CTSC: variants seen among roughly 807,000 people sequenced by gnomAD.
CTSC encodes cathepsin C.
CTSC carries 37 observed loss-of-function variants against 40.9 expected under a neutral mutation model. The ratio of observed to expected loss-of-function variants is 0.91; its 90% CI spans 0.70 to 1.19. The LOEUF is 1.19. CTSC is among the 50% of genes most tolerant of loss of function. The pLI, the probability that CTSC is intolerant of heterozygous loss-of-function variation, is 0.00. For synonymous variants in CTSC, 232 were observed against 207.4 expected, an observed-to-expected ratio of 1.12 and a Z score of -1.02; for missense variants, 594 against 567.3, an observed-to-expected ratio of 1.05 and a Z score of -0.48.
intron 2 of CTSC, among the ~76,000 whole-genome samples, chr11:88,333,978 G>A (rs555154069): frequency 6.6e-6 from 1 of 152,020 alleles, no homozygotes; most frequent in Non-Finnish European, 1.5e-5. Context: ...TGCTTGGACC[G>A]CCATAACCTT....
chr11:88,332,535 C>G (rs1179149803), intron 2 of CTSC, among the ~76,000 whole-genome samples: 1 of 152,194 alleles, frequency 6.6e-6, no homozygotes, highest in Non-Finnish European at 1.5e-5. Flanking sequence ...TTTCCCATCA[C>G]TCTTGCAATT....
intron 2 of CTSC, chr11:88,328,227 CATT>C (rs773178221): frequency 6.8e-7 from 1 of 1,474,902 alleles, no homozygotes; most frequent in Admixed American, 1.7e-5. Flanking sequence ...TAAACTGAGT[CATT>C]ATGTTGAGAT....
intron 4 of CTSC, among the ~76,000 whole-genome samples, chr11:88,307,501 G>A (rs890812340): frequency 4.0e-5 from 6 of 150,082 alleles, no homozygotes; most frequent in Non-Finnish European, 7.4e-5. Flanking sequence ...TGGGGCTTAT[G>A]GGTAAAGATG....
chr11:88,309,457 G>A, intron 3 of CTSC, 139 bp from the exon 4 acceptor site: 2 of 737,854 alleles, frequency 2.7e-6, no homozygotes, highest in Non-Finnish European at 4.8e-6. Context: ...TGTATCAATA[G>A]CCTAGAACAG....
intron 2 of CTSC, chr11:88,325,136 G>C: frequency 1.0e-6 from 1 of 985,112 alleles, no homozygotes; most frequent in East Asian, 1.1e-4. Flanking sequence ...ACCATTATTC[G>C]GCAGGAAAGA....
At chr11:88,309,089 G>C (rs761555771) in intron 4 of CTSC, 74 bp downstream of exon 4, 2 of 1,360,628 alleles carry the variant, frequency 1.5e-6, no homozygotes, top group Admixed American at 3.6e-5. Context: ...AGCAACACTG[G>C]TAGGACTGCT....
At chr11:88,335,690 G>A (rs986330392) in intron 1 of CTSC, among the ~76,000 whole-genome samples, 1 of 152,180 alleles carries the variant, frequency 6.6e-6, no homozygotes, top group Non-Finnish European at 1.5e-5. Flanking sequence ...AACAAAAGGA[G>A]AAATGGGGAA....
At chr11:88,306,345 C>G (rs1198739341) in intron 4 of CTSC, among the ~76,000 whole-genome samples, 1 of 152,080 alleles carries the variant, frequency 6.6e-6, no homozygotes, top group Non-Finnish European at 1.5e-5. Context: ...AGCAAAGGCC[C>G]CACCCTCAAG....
chr11:88,337,416 G>C (rs1382686407), intron 1 of CTSC, 85 bp downstream of exon 1: 38 of 1,369,166 alleles, frequency 2.8e-5, no homozygotes, highest in Non-Finnish European at 3.6e-5. Flanking sequence ...GTCTGCCTGG[G>C]GGGAAGCGGT....
At chr11:88,298,464 C>T (rs1944322064) in intron 5 of CTSC, 1 of 152,198 alleles carries the variant, frequency 6.6e-6, no homozygotes, top group Non-Finnish European at 1.5e-5. Flanking sequence ...AATTTGCTCT[C>T]TGACTACAGA....
chr11:88,296,234 G>A lies in CTSC; in HGVS notation c.788C>T (p.Ser263Phe), dbSNP rs772583953. Residue 263 changes from serine to phenylalanine, a missense_variant, in exon 6 of 7, where the codon TCT (serine) becomes TTT (phenylalanine). Physicochemically the swap from Ser to Phe is radical, Grantham distance 155. Coordinates refer to ENST00000227266, the MANE Select transcript of CTSC (RefSeq NM_001814.6). Reference sequence around the variant, plus strand: ...GATTCTCGCTTCTAGCATACCCATAGAAGCAAATGAGTAGCAGCTGCCACA... The same window carrying A: ...GATTCTCGCTTCTAGCATACCCATAAAAGCAAATGAGTAGCAGCTGCCACA... The part of the protein sequence containing the change: ...ASCGSCYSFA[S>F]MGMLEARIRI... The A allele has an allele frequency of 3.1e-6, 5 of 1,613,958 alleles. No individual in the cohort carries two copies. Among genetic ancestry groups the A allele is most frequent in the Non-Finnish European group, 4.2e-6 (5 of 1,179,922 alleles).
At chr11:88,329,160 G>A (rs572582142) in intron 2 of CTSC, among the ~76,000 whole-genome samples, 17 of 106,770 alleles carry the variant, frequency 1.6e-4, no homozygotes, top group African/African-American at 6.0e-4. Flanking sequence ...CTGCCTCAGA[G>A]AAAGTAAAAT....
intron 2 of CTSC, among the ~76,000 whole-genome samples, chr11:88,330,942 A>G (rs1291506835): frequency 1.3e-5 from 2 of 152,196 alleles, no homozygotes; most frequent in Non-Finnish European, 2.9e-5. Flanking sequence ...TTGATTCCGA[A>G]GTGGAATGCC....
chr11:88,334,580 A>G (rs1181252013), intron 2 of CTSC, among the ~76,000 whole-genome samples: 1 of 152,202 alleles, frequency 6.6e-6, no homozygotes, highest in Non-Finnish European at 1.5e-5. Flanking sequence ...AAAATGTGTA[A>G]TCTCTCTATC....
At chr11:88,321,066 T>A in intron 2 of CTSC, 3 of 982,388 alleles carry the variant, frequency 3.1e-6, no homozygotes, top group Non-Finnish European at 2.4e-6. Context: ...AATAAAAGCA[T>A]GTTGATGCAA....
At chr11:88,331,511 T>C (rs1290742013) in intron 2 of CTSC, among the ~76,000 whole-genome samples, 1 of 152,214 alleles carries the variant, frequency 6.6e-6, no homozygotes, top group Non-Finnish European at 1.5e-5. Context: ...GGAGCTTCTG[T>C]CCCTGCGGAG....
intron 2 of CTSC, chr11:88,325,762 A>G (rs1306331867): frequency 2.0e-6 from 2 of 985,286 alleles, no homozygotes; most frequent in African/African-American, 3.5e-5. Context: ...GGAGGTCTAT[A>G]ATCTGTAGAA....
At position 88,294,423 on chromosome 11, in the gene CTSC, T is replaced by C. The variant is rs750668143; in HGVS notation, c.975A>G (p.Thr325=). ...GLVEEACFPY[T]GTDSPCKMKE... is the part of the protein sequence containing the mutation. ...TCATTTTGCATGGAGAATCAGTGCC[T>C]GTGTAGGGGAAGCAAGCTTCTTCCA... Residue 325 remains threonine, a synonymous_variant, in exon 7 of 7, where the codon ACA becomes ACG. Coordinates refer to ENST00000227266, the MANE Select transcript of CTSC (RefSeq NM_001814.6). 8.7e-6 allele frequency: 14 copies of C among 1,614,048 alleles called. No individual in the cohort carries two copies. Among genetic ancestry groups the C allele is most frequent in the Non-Finnish European group, 1.1e-5 (13 of 1,180,020 alleles).
Position 88,315,146 on chromosome 11 carries a change from T to G in CTSC, c.319-2592A>C, listed in dbSNP as rs151118770. On this transcript the variant is annotated intron_variant, in intron 2 of 6. Coordinates refer to ENST00000227266, the MANE Select transcript of CTSC (RefSeq NM_001814.6). ...ATGTACTTCTCTCTGGCACTGGCTC[T>G]TGATCCTATTCTCTTCTCCTTGGTT... Among the ~76,000 whole-genome samples the G allele has an allele frequency of 4.1e-3, 627 of 152,310 alleles. 2 individuals carry two copies. Among genetic ancestry groups the G allele is most frequent in the Non-Finnish European group, 6.5e-3 (439 of 68,032 alleles).
Sources: allele counts gnomAD v4.1 joint callset (sites outside exome capture counted in the v4.1 genomes callset), GRCh38; gene constraint gnomAD v4.1.1; transcripts MANE v1.5; gene names NCBI Gene and HGNC (gene_info 2026-07-23, HGNC 2026-07-21).